The following RPS6KA5 variants were observed in gnomAD, a reference collection of about 807,000 sequenced individuals.
RPS6KA5 encodes the protein ribosomal protein S6 kinase A5, also known as ribosomal protein S6 kinase alpha-5.
In RPS6KA5, 27 loss-of-function variants were observed where a neutral mutation model predicts 85.5. The observed-to-expected ratio is 0.32, with a 90% CI of 0.23 to 0.44. The LOEUF (loss-of-function observed/expected upper bound fraction) is 0.44. RPS6KA5 is among the 20% of genes least tolerant of loss of function. The probability of loss-of-function intolerance (pLI) is 1.00; values close to 1 mark genes in which losing one functional copy is unlikely to be tolerated. For missense variants in RPS6KA5, 811 were observed against 980.9 expected, an observed-to-expected ratio of 0.83 and a Z score of 2.31; for synonymous variants, 334 against 348.2, an observed-to-expected ratio of 0.96 and a Z score of 0.46.
chr14:90,916,549 G>A (rs1218729635), intron 7 of RPS6KA5, among the ~76,000 whole-genome samples: 1 of 152,034 alleles, frequency 6.6e-6, no homozygotes, highest in Non-Finnish European at 1.5e-5. Context: ...AGACACTGGG[G>A]ACAGATAATG....
Position 91,029,249 on chromosome 14 carries a change from G to A in RPS6KA5, c.104-28090C>T, listed in dbSNP as rs191485229. On this transcript the variant is annotated intron_variant, in intron 1 of 16. Transcript: ENST00000614987. ...CTTTCCCACTATTTGCTTTATTATT[G>A]TCTTCCATTTTCTAAAACTTTTTAA... Among the ~76,000 whole-genome samples, 3 of 152,124 alleles carry A rather than the reference G, an allele frequency of 2.0e-5. No homozygotes were observed. In the East Asian group the frequency reaches 5.8e-4, roughly 29 times the overall value.
At chr14:90,936,179 T>C (rs1021487018) in intron 5 of RPS6KA5, among the ~76,000 whole-genome samples, 2 of 152,218 alleles carry the variant, frequency 1.3e-5, no homozygotes, top group East Asian at 1.9e-4. Flanking sequence ...ACAGTAAAAG[T>C]AGCAAATTTT....
At chr14:91,022,427 C>T (rs2041823447) in intron 1 of RPS6KA5, among the ~76,000 whole-genome samples, 1 of 152,184 alleles carries the variant, frequency 6.6e-6, no homozygotes, top group South Asian at 2.1e-4. Context: ...CACTAAACCA[C>T]TTATGAAACA....
Position 90,943,274 on chromosome 14 carries a change from T to A in RPS6KA5, c.511-89A>T, listed in dbSNP as rs1203940364. 4 of 753,920 alleles carry A rather than the reference T, an allele frequency of 5.3e-6. No homozygotes were observed. In the African/African-American group the frequency reaches 5.4e-5, roughly 10 times the overall value. The allele number at this position is 753,920 out of a possible 1,614,324, so 46.7% of individuals were successfully genotyped here. On this transcript the variant is annotated intron_variant, in intron 4 of 16. Coordinates refer to ENST00000614987, the MANE Select transcript of RPS6KA5 (RefSeq NM_004755.4). ...TCTCGTCTACCTTTATTTATTTATT[T>A]TTTTTTTTAAGGCATTTCCCTCCTC...
chr14:91,026,465 A>G (rs998975182), intron 1 of RPS6KA5, among the ~76,000 whole-genome samples: 3 of 152,118 alleles, frequency 2.0e-5, no homozygotes, highest in African/African-American at 7.2e-5. Context: ...TCCTGAGCTC[A>G]AGCAATCCTT....
chr14:91,028,776 C>T (rs2042077531), intron 1 of RPS6KA5, among the ~76,000 whole-genome samples: 1 of 152,150 alleles, frequency 6.6e-6, no homozygotes, highest in South Asian at 2.1e-4. Flanking sequence ...CCTCTGCCTC[C>T]CAAAGTGCTG....
chr14:90,880,865 G>A (rs1278773241), intron 14 of RPS6KA5, among the ~76,000 whole-genome samples: 1 of 144,262 alleles, frequency 6.9e-6, no homozygotes, highest in Non-Finnish European at 1.5e-5. Context: ...ACAAGGTGTC[G>A]CTCTGTTTCC....
chr14:90,942,105 G>C (rs942298188), intron 5 of RPS6KA5, among the ~76,000 whole-genome samples: 3 of 151,946 alleles, frequency 2.0e-5, no homozygotes, highest in African/African-American at 7.3e-5. Flanking sequence ...CATAGTAGAG[G>C]GGATAAATAA....
At chr14:90,916,679 T>TCACA (rs10615964) in intron 7 of RPS6KA5, among the ~76,000 whole-genome samples, 15 of 150,700 alleles carry the variant, frequency 1.0e-4, no homozygotes, top group African/African-American at 1.5e-4. Flanking sequence ...TAAATTTCTG[T>TCACA]CACACACACA....
At chr14:90,944,573 T>C (rs1317621081) in intron 4 of RPS6KA5, among the ~76,000 whole-genome samples, 1 of 152,034 alleles carries the variant, frequency 6.6e-6, no homozygotes, top group Non-Finnish European at 1.5e-5. Flanking sequence ...CTGACCAACA[T>C]GGAGAAACCC....
chr14:90,873,531 A>T, intron 16 of RPS6KA5, 101 bp downstream of exon 16: 2 of 1,091,630 alleles, frequency 1.8e-6, no homozygotes, highest in Non-Finnish European at 1.3e-6. Flanking sequence ...ATATTATTTT[A>T]AATGTGAAAC....
intron 3 of RPS6KA5, among the ~76,000 whole-genome samples, chr14:90,957,560 A>G (rs1424397835): frequency 1.3e-5 from 2 of 151,988 alleles, no homozygotes; most frequent in Non-Finnish European, 2.9e-5. Context: ...TGCTGGTATT[A>G]CACCCAGCTG....
intron 8 of RPS6KA5, among the ~76,000 whole-genome samples, chr14:90,904,200 T>C (rs531403762): frequency 6.7e-4 from 102 of 152,278 alleles, no homozygotes; most frequent in African/African-American, 2.3e-3. Context: ...CCGCCCACCT[T>C]GGCCTCCCGA....
chr14:90,900,030 T>C (rs1219787720), intron 11 of RPS6KA5, 78 bp downstream of exon 11: 1 of 1,252,954 alleles, frequency 8.0e-7, no homozygotes, highest in Non-Finnish European at 1.1e-6. Flanking sequence ...AATACTGGTT[T>C]CAATTAAAAT....
chr14:91,022,047 C>T (rs2041806647), intron 1 of RPS6KA5, among the ~76,000 whole-genome samples: 2 of 152,126 alleles, frequency 1.3e-5, no homozygotes, highest in South Asian at 4.1e-4. Context: ...ATTTTATATA[C>T]ATTTAAATCT....
chr14:90,875,165 C>A, intron 15 of RPS6KA5, 36 bp downstream of exon 15: 1 of 1,580,572 alleles, frequency 6.3e-7, no homozygotes, highest in Non-Finnish European at 8.6e-7. Context: ...AATCACTACA[C>A]ATCATATAAA....
intron 2 of RPS6KA5, among the ~76,000 whole-genome samples, chr14:90,979,040 C>G (rs1057427387): frequency 5.3e-5 from 8 of 152,210 alleles, no homozygotes; most frequent in African/African-American, 1.9e-4. Context: ...AAGAGATCTT[C>G]AGACTTAAAA....
intron 1 of RPS6KA5, among the ~76,000 whole-genome samples, chr14:91,048,368 A>C (rs1408464489): frequency 6.6e-6 from 1 of 152,252 alleles, no homozygotes; most frequent in Non-Finnish European, 1.5e-5. Context: ...ATATAAAAAG[A>C]AGCACACCTA....
rs751017200 is a variant in RPS6KA5, at chr14:90,894,434, C to A, written c.1623G>T (p.Val541=). ...AVSHMHDVGV[V]HRDLKPENLL... is the part of the protein sequence containing the mutation. ...ATACCTCAGGTTTCAGATCCCTGTG[C>A]ACCACTCCAACATCATGCATGTGGC... The change falls in exon 13 of 17, where the codon GTG becomes GTT. Residue 541 remains valine (V), a synonymous_variant. Transcript: ENST00000614987. 6.2e-6 allele frequency: 10 copies of A among 1,614,096 alleles called. No homozygotes were observed. Among genetic ancestry groups the A allele is most frequent in the Non-Finnish European group, 8.5e-6 (10 of 1,179,984 alleles).
Sources: gnomAD v4.1 joint callset for allele counts (sites outside exome capture counted in the v4.1 genomes callset) on GRCh38, gnomAD v4.1.1 for gene constraint, MANE v1.5 for transcripts, NCBI Gene and HGNC (gene_info 2026-07-23, HGNC 2026-07-21) for gene names.